Variants in ATP6V1E2 observed in about 807,000 individuals in gnomAD.
The protein encoded by ATP6V1E2 is V-type proton ATPase subunit E 2.
For synonymous variants in ATP6V1E2, 121 were observed against 104.2 expected (o/e 1.16, Z -0.98); for missense variants, 308 against 273.3 (o/e 1.13, Z -0.90).
At chr2:46,515,888 T>C (rs1687691108) in intron 4 of ATP6V1E2, among the ~76,000 whole-genome samples, 1 of 152,142 alleles carries the variant, frequency 6.6e-6, no homozygotes, top group African/African-American at 2.4e-5. Flanking sequence ...GCCATACTGA[T>C]GTCAGACAAA....
intron 2 of ATP6V1E2, among the ~76,000 whole-genome samples, chr2:46,540,420 G>C (rs920622572): frequency 3.3e-5 from 4 of 121,276 alleles, no homozygotes; most frequent in Non-Finnish European, 6.5e-5. Flanking sequence ...CAGAGAGACA[G>C]AGCAAGACCC....
chr2:46,515,190 T>A (rs932569137), intron 4 of ATP6V1E2, among the ~76,000 whole-genome samples: 2 of 152,134 alleles, frequency 1.3e-5, no homozygotes, highest in Non-Finnish European at 1.5e-5. Flanking sequence ...AGTGTAAAGC[T>A]CACTAGTAAA....
chr2:46,517,901 G>C (rs1304148729), intron 4 of ATP6V1E2, among the ~76,000 whole-genome samples: 1 of 152,214 alleles, frequency 6.6e-6, no homozygotes, highest in Non-Finnish European at 1.5e-5. Context: ...CTGTGCACTG[G>C]GTTGGTGGGA....
chr2:46,520,327 C>T (rs563662740), intron 4 of ATP6V1E2, among the ~76,000 whole-genome samples: 1 of 152,308 alleles, frequency 6.6e-6, no homozygotes, highest in South Asian at 2.1e-4. Flanking sequence ...GTGACTTGAG[C>T]AAAACAACAA....
At position 46,524,873 on chromosome 2, in the gene ATP6V1E2, G is replaced by C. The variant is rs184453706; in HGVS notation, c.-102+10940C>G. Among the ~76,000 whole-genome samples the C allele has an allele frequency of 9.2e-5, 14 of 152,312 alleles. No homozygotes were observed. In the East Asian group the frequency reaches 2.7e-3, roughly 29 times the overall value. On this transcript the variant is annotated intron_variant, in intron 4 of 4. Coordinates refer to ENST00000522587, the MANE Select transcript of ATP6V1E2 (RefSeq NM_001318063.2). ...AAGACACTGGGGTGTGAATGGGAAA[G>C]GGTGGAAATGTCTGCCTGAGAGTTG...
chr2:46,532,605 T>C (rs886095292), intron 4 of ATP6V1E2, among the ~76,000 whole-genome samples: 11 of 152,156 alleles, frequency 7.2e-5, no homozygotes, highest in African/African-American at 2.7e-4. Context: ...ATGGATGGGA[T>C]TAGTGCCCTT....
intron 4 of ATP6V1E2, chr2:46,519,500 C>G (rs1448393106): frequency 6.6e-6 from 1 of 152,324 alleles, no homozygotes; most frequent in African/African-American, 2.4e-5. Context: ...CATGCCCAGA[C>G]AGGGCCTAAT....
chr2:46,532,882 A>C (rs1428236791), intron 4 of ATP6V1E2, among the ~76,000 whole-genome samples: 2 of 152,182 alleles, frequency 1.3e-5, no homozygotes, highest in Non-Finnish European at 2.9e-5. Flanking sequence ...GAAGAGACTA[A>C]GACAACCTTC....
chr2:46,513,200 G>GGATTTAATCCAGAAAT (rs1687558025), intron 4 of ATP6V1E2, among the ~76,000 whole-genome samples: 1 of 77,778 alleles, frequency 1.3e-5, no homozygotes, highest in East Asian at 2.2e-4. Flanking sequence ...TGGTCAGCCA[G>GGATTTAATCCAGAAAT]GATTTAATCC....
chr2:46,540,400 G>A (rs1355947834), intron 2 of ATP6V1E2, among the ~76,000 whole-genome samples: 1 of 137,760 alleles, frequency 7.3e-6, no homozygotes, highest in Non-Finnish European at 1.5e-5. Context: ...CAGCCTGAGC[G>A]ACAGAGTGAC....
intron 4 of ATP6V1E2, chr2:46,518,828 T>G (rs1666454177): frequency 6.8e-6 from 1 of 146,916 alleles, no homozygotes; most frequent in Non-Finnish European, 1.5e-5. Context: ...GCTCCCCGGG[T>G]AACCGTGATG....
At chr2:46,534,429 A>G (rs1418617637) in intron 4 of ATP6V1E2, 1 of 151,988 alleles carries the variant, frequency 6.6e-6, no homozygotes, top group Non-Finnish European at 1.5e-5. Flanking sequence ...CACTATGTTC[A>G]TGTTTTCCTT....
At chr2:46,531,954 A>T (rs976833582) in intron 4 of ATP6V1E2, among the ~76,000 whole-genome samples, 2 of 152,184 alleles carry the variant, frequency 1.3e-5, no homozygotes, top group Non-Finnish European at 2.9e-5. Flanking sequence ...GAGCTATTTA[A>T]TTTGTAAGTA....
At chr2:46,519,317 C>G (rs938961063) in intron 4 of ATP6V1E2, 3 of 152,208 alleles carry the variant, frequency 2.0e-5, no homozygotes, top group Non-Finnish European at 4.4e-5. Flanking sequence ...ATACAGCTGT[C>G]ATGTTGGCGG....
At position 46,512,694 on chromosome 2, in the gene ATP6V1E2, G is replaced by T. The variant is rs1039444387; in HGVS notation, c.18C>A (p.Val6=). Residue 6 remains valine (V), a synonymous_variant, in exon 5 of 5, where the codon GTC becomes GTA. Transcript: ENST00000522587. ...TGTGCTTAATCTGCTTTTTCACATCGACATCACTCAGGGCCATGGCTGCTC... is the reference window on the plus strand; with the variant it reads ...TGTGCTTAATCTGCTTTTTCACATCTACATCACTCAGGGCCATGGCTGCTC... MALSD[V]DVKKQIKHMM... is the part of the protein sequence containing the mutation. The T allele has an allele frequency of 6.2e-7, 1 of 1,612,690 alleles. No homozygotes were observed. Among genetic ancestry groups the T allele is most frequent in the South Asian group, 1.1e-5 (1 of 90,966 alleles).
At chr2:46,533,497 C>T (rs1407647497) in intron 4 of ATP6V1E2, among the ~76,000 whole-genome samples, 1 of 152,132 alleles carries the variant, frequency 6.6e-6, no homozygotes, top group African/African-American at 2.4e-5. Flanking sequence ...TGGTCTTAAA[C>T]TCTCCAGCTC....
At chr2:46,521,000 T>A (rs1485405848) in intron 4 of ATP6V1E2, among the ~76,000 whole-genome samples, 1 of 152,184 alleles carries the variant, frequency 6.6e-6, no homozygotes, top group African/African-American at 2.4e-5. Context: ...ATTACCAGCA[T>A]CCCAGAAGCC....
chr2:46,512,873 G>T, intron 4 of ATP6V1E2, 61 bp from the exon 5 acceptor site: 1 of 637,500 alleles, frequency 1.6e-6, no homozygotes, highest in Non-Finnish European at 2.7e-6. Context: ...GGATTACAGA[G>T]ACTGTATATA....
At chr2:46,532,684 A>G (rs996780640) in intron 4 of ATP6V1E2, among the ~76,000 whole-genome samples, 1 of 152,144 alleles carries the variant, frequency 6.6e-6, no homozygotes, top group Non-Finnish European at 1.5e-5. Context: ...GTGAGGTCAT[A>G]GTGTTTGTTC....
Sources: gnomAD v4.1 joint callset for allele counts (sites outside exome capture counted in the v4.1 genomes callset) on GRCh38, gnomAD v4.1.1 for gene constraint, MANE v1.5 for transcripts, NCBI Gene and HGNC (gene_info 2026-07-23, HGNC 2026-07-21) for gene names.